The following EPHX4 variants were observed in gnomAD, a reference collection of about 807,000 sequenced individuals.
The protein encoded by EPHX4 is abhydrolase domain containing 7.
A neutral mutation model predicts 44.9 loss-of-function variants in EPHX4; 31 were observed. The ratio of observed to expected loss-of-function variants is 0.69; its 90% confidence interval spans 0.52 to 0.93. The LOEUF is 0.93. EPHX4 is among the 40% of genes least tolerant of loss of function. The pLI is 0.00. For missense variants in EPHX4, 373 were observed against 438.1 expected (o/e 0.85, Z 1.33); for synonymous variants, 151 against 159.7 (o/e 0.95, Z 0.41).
intron 4 of EPHX4, among the ~76,000 whole-genome samples, chr1:92,048,083 A>G (rs1688607232): frequency 6.6e-6 from 1 of 152,214 alleles, no homozygotes; most frequent in Non-Finnish European, 1.5e-5. Flanking sequence ...AAAAATTCAG[A>G]ACCACATATT....
intron 3 of EPHX4, among the ~76,000 whole-genome samples, chr1:92,044,180 G>A (rs1688551663): frequency 6.6e-6 from 1 of 152,152 alleles, no homozygotes; most frequent in South Asian, 2.1e-4. Context: ...TCTAATGAGA[G>A]CATGGATCAG....
chr1:92,045,446 T>C, intron 3 of EPHX4, 86 bp from the exon 4 acceptor site: 1 of 1,501,292 alleles, frequency 6.7e-7, no homozygotes, highest in Non-Finnish European at 9.1e-7. Flanking sequence ...AAAGAGGTAC[T>C]TCAGAAGTAT....
rs148600430 is a variant in EPHX4 at position 92,059,698 on chromosome 1, T to C, written c.858-3357T>C. 5.0e-3 allele frequency among the ~76,000 whole-genome samples: 764 copies of C among 152,212 alleles called. 7 individuals are homozygous for C. Among genetic ancestry groups the C allele is most frequent in the African/African-American group, 0.017 (725 of 41,520 alleles). ...ACAAATCAGCAACAATTATAAAACATTTATTTATTAAACAGATGCACCTGC... is the reference window on the plus strand; with the variant it reads ...ACAAATCAGCAACAATTATAAAACACTTATTTATTAAACAGATGCACCTGC... On this transcript the variant is annotated intron_variant, in intron 6 of 6. Coordinates refer to ENST00000370383, the MANE Select transcript of EPHX4 (RefSeq NM_173567.5).
At chr1:92,045,387 C>A in intron 3 of EPHX4, 145 bp from the exon 4 acceptor site, 1 of 962,616 alleles carries the variant, frequency 1.0e-6, no homozygotes, top group Non-Finnish European at 1.5e-6. Context: ...GTTTTGGAAC[C>A]ACTGAATTCA....
intron 4 of EPHX4, among the ~76,000 whole-genome samples, chr1:92,046,516 T>G (rs539611285): frequency 1.3e-5 from 2 of 152,182 alleles, no homozygotes; most frequent in East Asian, 1.9e-4. Flanking sequence ...CAGGCTGGAG[T>G]GCAGTGGCGC....
At chr1:92,060,647 G>T (rs980202089) in intron 6 of EPHX4, among the ~76,000 whole-genome samples, 1 of 151,514 alleles carries the variant, frequency 6.6e-6, no homozygotes, top group Non-Finnish European at 1.5e-5. Flanking sequence ...AGCCGGGTGC[G>T]ATGGCTCACA....
At chr1:92,042,242 T>A (rs1688518585) in intron 2 of EPHX4, among the ~76,000 whole-genome samples, 2 of 152,120 alleles carry the variant, frequency 1.3e-5, no homozygotes, top group African/African-American at 4.8e-5. Flanking sequence ...ACAATGATTT[T>A]AGTATCTGAT....
At chr1:92,042,739 A>AG in intron 2 of EPHX4, 84 bp from the exon 3 acceptor site, 1 of 1,312,258 alleles carries the variant, frequency 7.6e-7, no homozygotes, top group Non-Finnish European at 1.0e-6. Context: ...AAAAAAAAAA[A>AG]AAAAGAAAGG....
At chr1:92,054,453 G>A (rs890358221) in intron 6 of EPHX4, among the ~76,000 whole-genome samples, 44 of 152,100 alleles carry the variant, frequency 2.9e-4, no homozygotes, top group African/African-American at 1.0e-3. Flanking sequence ...GCTGGGTGTG[G>A]TGGCACATGC....
chr1:92,045,777 C>A, intron 4 of EPHX4, 117 bp downstream of exon 4: 1 of 1,144,620 alleles, frequency 8.7e-7, no homozygotes, highest in Non-Finnish European at 1.3e-6. Flanking sequence ...AATTAAATGA[C>A]TAAACCATGA....
chr1:92,056,650 T>C (rs1285397014), intron 6 of EPHX4, among the ~76,000 whole-genome samples: 2 of 151,824 alleles, frequency 1.3e-5, no homozygotes, highest in African/African-American at 2.4e-5. Flanking sequence ...CTTTTCTTTT[T>C]TTTTTTTTTT....
intron 2 of EPHX4, among the ~76,000 whole-genome samples, chr1:92,033,383 A>G (rs963403041): frequency 1.3e-5 from 2 of 152,138 alleles, no homozygotes; most frequent in Non-Finnish European, 2.9e-5. Context: ...TAATGTTTCA[A>G]ATTTCTGAAA....
In EPHX4 at chr1:92,050,299, A is replaced by G. The variant is rs1647224732; in HGVS notation, c.605-18A>G. On this transcript the variant is annotated intron_variant, in intron 4 of 6. Coordinates refer to ENST00000370383, the MANE Select transcript of EPHX4 (RefSeq NM_173567.5). ...TTATACCCCTTGGATAAGGTCTAACATGGCATTTTAATTTCAGAATATATT... is the reference window on the plus strand; with the variant it reads ...TTATACCCCTTGGATAAGGTCTAACGTGGCATTTTAATTTCAGAATATATT... The G allele has an allele frequency of 2.0e-6, 3 of 1,498,662 alleles. No homozygotes were observed. Among genetic ancestry groups the G allele is most frequent in the African/African-American group, 2.8e-5 (2 of 72,336 alleles). The allele number at this position is 1,498,662 out of a possible 1,614,324, so 92.8% of individuals were successfully genotyped here.
intron 4 of EPHX4, among the ~76,000 whole-genome samples, chr1:92,046,854 A>G (rs1688589537): frequency 6.6e-6 from 1 of 152,194 alleles, no homozygotes; most frequent in Non-Finnish European, 1.5e-5. Flanking sequence ...TCTCCCTAGC[A>G]CTTTTATTGT....
At chr1:92,058,135 G>A (rs977670116) in intron 6 of EPHX4, among the ~76,000 whole-genome samples, 3 of 151,972 alleles carry the variant, frequency 2.0e-5, no homozygotes, top group Non-Finnish European at 2.9e-5. Flanking sequence ...CCAAGGATGA[G>A]TTAGCATTAA....
chr1:92,039,129 G>A (rs1316207692), intron 2 of EPHX4, among the ~76,000 whole-genome samples: 1 of 152,214 alleles, frequency 6.6e-6, no homozygotes, highest in Non-Finnish European at 1.5e-5. Context: ...TAATCTGGCT[G>A]GAAGATTGGG....
intron 3 of EPHX4, among the ~76,000 whole-genome samples, chr1:92,044,118 G>C (rs1688550671): frequency 6.6e-6 from 1 of 152,090 alleles, no homozygotes; most frequent in South Asian, 2.1e-4. Context: ...GTATGTTAAT[G>C]GAAGCAATAT....
At chr1:92,038,597 T>C (rs1215859093) in intron 2 of EPHX4, among the ~76,000 whole-genome samples, 1 of 152,092 alleles carries the variant, frequency 6.6e-6, no homozygotes, top group Non-Finnish European at 1.5e-5. Context: ...AGAGTGCACA[T>C]ACAAGTGCAA....
At chr1:92,047,291 C>T (rs979027124) in intron 4 of EPHX4, among the ~76,000 whole-genome samples, 14 of 151,938 alleles carry the variant, frequency 9.2e-5, no homozygotes, top group Middle Eastern at 3.2e-3. Context: ...CACCTGTAGT[C>T]CCAGCTACCT....
Sources: gnomAD v4.1 joint callset for allele counts (sites outside exome capture counted in the v4.1 genomes callset) on GRCh38, gnomAD v4.1.1 for gene constraint, MANE v1.5 for transcripts, NCBI Gene and HGNC (gene_info 2026-07-23, HGNC 2026-07-21) for gene names.